ECPAS: variants seen among roughly 807,000 people sequenced by gnomAD.
ECPAS encodes Ecm29 proteasome adaptor and scaffold, also known as proteasome adapter and scaffold protein ECM29.
ECPAS carries 70 observed loss-of-function variants against 255.1 expected under a neutral mutation model. The observed-to-expected ratio is 0.27, with a 90% confidence interval of 0.23 to 0.33. The LOEUF is 0.33. ECPAS is among the 10% of genes least tolerant of loss of function. ECPAS has a pLI of 1.00. For missense variants in ECPAS, 1,817 were observed against 2,206.4 expected (o/e 0.82, Z 3.54); for synonymous variants, 784 against 775.0 (o/e 1.01, Z -0.19).
At chr9:111,474,825 G>C (rs2098294259) in intron 1 of ECPAS, among the ~76,000 whole-genome samples, 1 of 152,190 alleles carries the variant, frequency 6.6e-6, no homozygotes, top group Non-Finnish European at 1.5e-5. Flanking sequence ...TTATGAGGAA[G>C]AAACTGAGAC....
intron 1 of ECPAS, among the ~76,000 whole-genome samples, chr9:111,480,296 T>C (rs1382640848): frequency 7.1e-6 from 1 of 140,376 alleles, no homozygotes; most frequent in East Asian, 2.0e-4. Context: ...CCTTTTCTTT[T>C]TTTTTTTTTT....
chr9:111,450,912 G>A (rs534473225), intron 3 of ECPAS, among the ~76,000 whole-genome samples: 10 of 152,256 alleles, frequency 6.6e-5, no homozygotes, highest in Admixed American at 5.9e-4. Context: ...GTGATAGAGT[G>A]AGACCCTATC....
chr9:111,483,355 C>G (rs534802812), intron 1 of ECPAS: 1 of 199,096 alleles, frequency 5.0e-6, no homozygotes, highest in South Asian at 1.7e-4. Flanking sequence ...CCCGCCCGTC[C>G]GCCAGGCCCG....
At chr9:111,453,144 G>A (rs995880696) in intron 2 of ECPAS, among the ~76,000 whole-genome samples, 5 of 152,156 alleles carry the variant, frequency 3.3e-5, no homozygotes, top group Non-Finnish European at 5.9e-5. Context: ...CTACTCCAGA[G>A]GCTGAGGTAG....
intron 3 of ECPAS, among the ~76,000 whole-genome samples, chr9:111,446,852 G>A (rs1319692827): frequency 1.3e-5 from 2 of 152,118 alleles, no homozygotes; most frequent in Admixed American, 6.5e-5. Flanking sequence ...TCACATCAGC[G>A]AAAGTGTTTG....
In ECPAS at chr9:111,450,200, C is replaced by T. The variant is rs2098258483; in HGVS notation, c.153+1225G>A. On this transcript the variant is annotated intron_variant, in intron 3 of 49. Coordinates refer to ENST00000684092, the MANE Select transcript of ECPAS (RefSeq NM_001364929.1). Reference sequence around the variant, plus strand: ...AGTAAATATTTGCTAAATAACAAAACTGATAAGGCTAAGAAGTATACAGAA... The same window carrying T: ...AGTAAATATTTGCTAAATAACAAAATTGATAAGGCTAAGAAGTATACAGAA... Among the ~76,000 whole-genome samples, 5 of 152,148 alleles carry T rather than the reference C, an allele frequency of 3.3e-5. No individual in the cohort carries two copies. In the South Asian group the frequency reaches 1.0e-3, roughly 32 times the overall value.
At chr9:111,448,241 A>C (rs1230491186) in intron 3 of ECPAS, among the ~76,000 whole-genome samples, 1 of 152,144 alleles carries the variant, frequency 6.6e-6, no homozygotes, top group Non-Finnish European at 1.5e-5. Context: ...CTCAACTCAA[A>C]TCTCAAAAAT....
intron 24 of ECPAS, 53 bp downstream of exon 24, chr9:111,408,518 A>G: frequency 8.6e-7 from 1 of 1,158,268 alleles, no homozygotes; most frequent in East Asian, 2.6e-5. Flanking sequence ...AAAAAAAAAA[A>G]AGACCAATGC....
At chr9:111,443,155 G>T (rs1196523836) in intron 4 of ECPAS, among the ~76,000 whole-genome samples, 4 of 152,300 alleles carry the variant, frequency 2.6e-5, no homozygotes, top group African/African-American at 9.6e-5. Flanking sequence ...TACTCAACCT[G>T]TATCACTATA....
chr9:111,464,841 G>A (rs1452076581), intron 2 of ECPAS, among the ~76,000 whole-genome samples: 1 of 152,100 alleles, frequency 6.6e-6, no homozygotes, highest in Admixed American at 6.6e-5. Context: ...ATATGATAAG[G>A]AGTAACACAG....
intron 27 of ECPAS, among the ~76,000 whole-genome samples, chr9:111,393,267 GT>G (rs1364935384): frequency 6.6e-6 from 1 of 152,164 alleles, no homozygotes. Context: ...AAGACCATAT[GT>G]TTAAAACAAG....
At chr9:111,457,854 T>C (rs1041049484) in intron 2 of ECPAS, among the ~76,000 whole-genome samples, 5 of 152,346 alleles carry the variant, frequency 3.3e-5, no homozygotes, top group African/African-American at 1.2e-4. Context: ...ATAGCATTTA[T>C]ATCAGTGTCT....
At chr9:111,463,984 AG>A (rs2098276215) in intron 2 of ECPAS, among the ~76,000 whole-genome samples, 1 of 152,232 alleles carries the variant, frequency 6.6e-6, no homozygotes, top group African/African-American at 2.4e-5. Context: ...CAAAGAGATA[AG>A]GAACACTTTT....
chr9:111,426,024 A>C (rs1245889886), intron 10 of ECPAS, among the ~76,000 whole-genome samples, 196 bp from the exon 11 acceptor site: 2 of 152,364 alleles, frequency 1.3e-5, no homozygotes, highest in East Asian at 3.9e-4. Flanking sequence ...AGTAACAAAC[A>C]CAATGGTTGA....
chr9:111,390,996 T>C (rs777728645), intron 29 of ECPAS, among the ~76,000 whole-genome samples: 3 of 152,148 alleles, frequency 2.0e-5, no homozygotes, highest in Non-Finnish European at 4.4e-5. Context: ...GAGCCCAACA[T>C]CATGGGCTCC....
At chr9:111,431,829 T>C (rs2098230515) in intron 8 of ECPAS, among the ~76,000 whole-genome samples, 1 of 152,214 alleles carries the variant, frequency 6.6e-6, no homozygotes, top group Non-Finnish European at 1.5e-5. Flanking sequence ...ATAGCCACAA[T>C]TCCGCTATCC....
chr9:111,447,771 G>T (rs2098255249), intron 3 of ECPAS, among the ~76,000 whole-genome samples: 1 of 151,910 alleles, frequency 6.6e-6, no homozygotes, highest in African/African-American at 2.4e-5. Context: ...AGTTCAAAAT[G>T]ATTACATTTA....
In ECPAS at chr9:111,371,809, A is replaced by C. The variant is rs1478703936; in HGVS notation, c.4549T>G (p.Leu1517Val). 1 of 1,612,588 alleles carries C rather than the reference A, an allele frequency of 6.2e-7. No individual in the cohort carries two copies. Reference protein sequence around the residue: ...NVPGSFGGIRLYLQELITITQ... With the variant: ...NVPGSFGGIRVYLQELITITQ... ...ATAGTAATTAACTCCTGCAGGTATA[A>C]TCGAATGCCACCAAAGGATCCTAGG... Residue 1517 changes from leucine (L) to valine (V), a missense_variant, in exon 43 of 50, where the codon TTA (leucine) becomes GTA (valine). Physicochemically the swap from Leu to Val is conservative, Grantham distance 32. This residue lies in a region of ECPAS where 960 missense variants were observed against 1,179.0 expected (regional missense o/e 0.81). Coordinates refer to ENST00000684092, the MANE Select transcript of ECPAS (RefSeq NM_001364929.1).
At chr9:111,366,152 C>A in intron 48 of ECPAS, 87 bp downstream of exon 48, 1 of 865,382 alleles carries the variant, frequency 1.2e-6, no homozygotes, top group South Asian at 1.6e-5. Flanking sequence ...AAATTTAGTT[C>A]CTAAGACAAA....
Sources: gnomAD v4.1 joint callset for allele counts (sites outside exome capture counted in the v4.1 genomes callset) on GRCh38, gnomAD v4.1.1 for gene constraint, gnomAD v4.1.1 regional missense constraint, MANE v1.5 for transcripts, NCBI Gene and HGNC (gene_info 2026-07-23, HGNC 2026-07-21) for gene names.